Variants in POMK observed in about 807,000 individuals in gnomAD.
POMK encodes the protein Sugen kinase 196.
A neutral mutation model predicts 23.0 loss-of-function variants in POMK; 19 were observed. The observed-to-expected ratio is 0.83, with a 90% CI of 0.58 to 1.21. POMK has a LOEUF of 1.21. Ranked by LOEUF, POMK falls within the 50% of genes most tolerant of loss-of-function variation. The pLI, the probability that POMK is intolerant of heterozygous loss-of-function variation, is 0.00. For missense variants in POMK, 410 were observed against 431.3 expected, an observed-to-expected ratio of 0.95 and a Z score of 0.44; for synonymous variants, 173 against 171.6, an observed-to-expected ratio of 1.01 and a Z score of -0.06.
chr8:43,093,919 A>G (rs1223393516), intron 1 of POMK, among the ~76,000 whole-genome samples: 1 of 152,228 alleles, frequency 6.6e-6, no homozygotes. Context: ...CTGTCTCCGT[A>G]AAAAAGCACT....
At chr8:43,096,275 G>A (rs531452811) in intron 1 of POMK, among the ~76,000 whole-genome samples, 43 of 152,278 alleles carry the variant, frequency 2.8e-4, no homozygotes, top group African/African-American at 9.1e-4. Flanking sequence ...TAGATTTCAG[G>A]AGGCCACATA....
chr8:43,100,998 A>C (rs78371991), intron 2 of POMK, among the ~76,000 whole-genome samples: 2,354 of 152,196 alleles, frequency 0.015, 28 homozygotes, highest in Non-Finnish European at 0.021. Flanking sequence ...CAGCAGTGTG[A>C]GGTCTGGAGT....
intron 4 of POMK, among the ~76,000 whole-genome samples, chr8:43,120,573 C>T (rs929420320): frequency 1.1e-4 from 17 of 151,774 alleles, no homozygotes; most frequent in African/African-American, 2.9e-4. Flanking sequence ...TTTTGGTGAC[C>T]GCATGATATA....
chr8:43,104,719 C>T (rs936649368), intron 4 of POMK, among the ~76,000 whole-genome samples: 2 of 152,024 alleles, frequency 1.3e-5, no homozygotes, highest in African/African-American at 2.4e-5. Flanking sequence ...CGGAGGTGGG[C>T]GGATTACTTA....
At chr8:43,101,228 G>T (rs955277266) in intron 2 of POMK, among the ~76,000 whole-genome samples, 1 of 151,920 alleles carries the variant, frequency 6.6e-6, no homozygotes, top group African/African-American at 2.4e-5. Flanking sequence ...TTCAAGGCCA[G>T]CCTGAGCAAC....
chr8:43,107,531 C>T (rs56384848), intron 4 of POMK, among the ~76,000 whole-genome samples: 3,133 of 149,568 alleles, frequency 0.021, 117 homozygotes, highest in African/African-American at 0.073. Flanking sequence ...AGTGCCACCA[C>T]ACCTGGCTAA....
In POMK at chr8:43,122,104, C is replaced by T; in HGVS notation, c.283-3C>T. Reference sequence around the variant, plus strand: ...CCTGATGCTCTCTATGGCTTTGTTGCAGGTCTTTCTGTCTGAGTGGAAGGA... The same window carrying T: ...CCTGATGCTCTCTATGGCTTTGTTGTAGGTCTTTCTGTCTGAGTGGAAGGA... On this transcript the variant is annotated splice_region_variant and splice_polypyrimidine_tract_variant and intron_variant, in intron 4 of 4. Transcript: ENST00000331373. 5 of 1,613,136 alleles carry T rather than the reference C, an allele frequency of 3.1e-6. No individual in the cohort carries two copies. The highest frequency in any genetic ancestry group is 4.2e-6 in the Non-Finnish European group (5 of 1,179,446).
Position 43,122,247 on chromosome 8 carries a change from T to C in POMK, c.423T>C (p.Cys141=). 6.2e-7 allele frequency: 1 copy of C among 1,614,216 alleles called. No individual in the cohort carries two copies. The highest frequency in any genetic ancestry group is 2.2e-5 in the East Asian group (1 of 44,880). ...GTHVVTLLGY[C]EDDNTMLTEY... ...ATGTTGTCACGCTGCTTGGCTATTG[T>C]GAGGATGACAACACTATGCTTACTG... Residue 141 remains cysteine, a synonymous_variant, in exon 5 of 5, where the codon TGT becomes TGC. Transcript: ENST00000331373.
chr8:43,093,948 C>A (rs1811277588), intron 1 of POMK, among the ~76,000 whole-genome samples: 1 of 152,210 alleles, frequency 6.6e-6, no homozygotes, highest in South Asian at 2.1e-4. Context: ...CGCGGTGGCG[C>A]CGCCTATAGT....
intron 2 of POMK, among the ~76,000 whole-genome samples, chr8:43,100,320 G>T (rs537092291): frequency 1.3e-5 from 2 of 152,074 alleles, no homozygotes; most frequent in Admixed American, 6.6e-5. Context: ...CAGAGCGGGT[G>T]AGGGACCCGT....
At position 43,122,587 on chromosome 8, in the gene POMK, G is replaced by C. The variant is rs1333416482; in HGVS notation, c.763G>C (p.Ala255Pro). Residue 255 changes from alanine to proline, a missense_variant, in exon 5 of 5, where the codon GCT (alanine) becomes CCT (proline). Physicochemically the swap from Ala to Pro is conservative, Grantham distance 27 (BLOSUM62 -1). Coordinates refer to ENST00000331373, the MANE Select transcript of POMK (RefSeq NM_032237.5). ...GHRELHGDFV[A>P]PEQLWPYGED... ...CAGGGAGCTGCATGGGGATTTCGTG[G>C]CTCCAGAGCAACTGTGGCCCTATGG... is the stretch of plus-strand genomic sequence containing the variant. 1 of 1,614,220 alleles carries C rather than the reference G, an allele frequency of 6.2e-7. No homozygotes were observed. Among genetic ancestry groups the C allele is most frequent in the South Asian group, 1.1e-5 (1 of 91,084 alleles).
intron 1 of POMK, among the ~76,000 whole-genome samples, chr8:43,095,993 GA>G (rs1192165373): frequency 2.6e-5 from 4 of 152,206 alleles, no homozygotes; most frequent in Non-Finnish European, 4.4e-5. Context: ...GGATTCCGTG[GA>G]GCGAACACAG....
In POMK at chr8:43,122,404, C is replaced by T. The variant is rs565775459; in HGVS notation, c.580C>T (p.His194Tyr). The T allele has an allele frequency of 5.8e-5, 94 of 1,614,216 alleles. 1 individual carries two copies. In the South Asian group the frequency reaches 9.9e-4, roughly 17 times the overall value. ...DYVSIINYLH[H>Y]SPVGTRVMCD... The stretch of plus-strand genomic sequence containing the variant: ...TGTCAGCATCATTAATTACCTGCAC[C>T]ACAGCCCTGTGGGCACACGGGTCAT... The change falls in exon 5 of 5, where the codon CAC becomes TAC. Residue 194 changes from histidine (H) to tyrosine (Y), a missense_variant. Coordinates refer to ENST00000331373, the MANE Select transcript of POMK (RefSeq NM_032237.5).
chr8:43,119,013 A>C (rs1198852496), intron 4 of POMK, among the ~76,000 whole-genome samples: 3 of 152,038 alleles, frequency 2.0e-5, no homozygotes, highest in African/African-American at 7.2e-5. Context: ...GGATTTCACC[A>C]TGTTAGCCAG....
intron 4 of POMK, among the ~76,000 whole-genome samples, chr8:43,120,317 A>G (rs1392293509): frequency 2.7e-5 from 4 of 150,510 alleles, no homozygotes; most frequent in Non-Finnish European, 5.9e-5. Context: ...GGTTCAAGCT[A>G]CTCTTCTGCC....
chr8:43,100,517 G>A (rs915024152), intron 2 of POMK, among the ~76,000 whole-genome samples: 2 of 151,846 alleles, frequency 1.3e-5, no homozygotes, highest in Non-Finnish European at 2.9e-5. Context: ...TGCTGTGTGT[G>A]TGTCTGTGGG....
intron 4 of POMK, among the ~76,000 whole-genome samples, chr8:43,105,908 A>C (rs1350083280): frequency 6.6e-6 from 1 of 152,046 alleles, no homozygotes; most frequent in African/African-American, 2.4e-5. Flanking sequence ...TGATCCACCC[A>C]CCTTGGCCTC....
intron 4 of POMK, among the ~76,000 whole-genome samples, chr8:43,119,942 T>C (rs1374741902): frequency 4.6e-5 from 7 of 151,588 alleles, no homozygotes. Context: ...TTTTCTTTTT[T>C]TTTTTTTAAA....
intron 1 of POMK, among the ~76,000 whole-genome samples, chr8:43,095,694 C>A (rs1811320236): frequency 6.6e-6 from 1 of 152,158 alleles, no homozygotes; most frequent in Non-Finnish European, 1.5e-5. Flanking sequence ...CTTCCAAAAC[C>A]TTGCACAAAT....
Sources: gnomAD v4.1 joint callset for allele counts (sites outside exome capture counted in the v4.1 genomes callset) on GRCh38, gnomAD v4.1.1 for gene constraint, MANE v1.5 for transcripts, NCBI Gene and HGNC (gene_info 2026-07-23, HGNC 2026-07-21) for gene names.